The following NDRG2 variants were observed in gnomAD, a reference collection of about 807,000 sequenced individuals.
NDRG2 encodes protein NDRG2.
In NDRG2, 34 loss-of-function variants were observed where a neutral mutation model predicts 58.2. The observed-to-expected ratio is 0.58, with a 90% CI of 0.44 to 0.78. The LOEUF is 0.78. Among genes scored for constraint, NDRG2 ranks in the 30% least tolerant of loss-of-function variants. NDRG2 has a pLI of 0.00. For missense variants in NDRG2, 434 were observed against 471.2 expected, an observed-to-expected ratio of 0.92 and a Z score of 0.73; for synonymous variants, 187 against 175.9, an observed-to-expected ratio of 1.06 and a Z score of -0.50.
At chr14:21,020,441 G>A in intron 8 of NDRG2, 55 bp downstream of exon 8, 1 of 1,431,970 alleles carries the variant, frequency 7.0e-7, no homozygotes, top group Non-Finnish European at 9.8e-7. Context: ...AGCCTAACTG[G>A]ATCCATACGA....
chr14:21,053,911 T>C (rs1885571844), intron 1 of NDRG2, among the ~76,000 whole-genome samples: 1 of 152,188 alleles, frequency 6.6e-6, no homozygotes, highest in Non-Finnish European at 1.5e-5. Flanking sequence ...CCATGTAAGC[T>C]AGTGAAGAGC....
intron 1 of NDRG2, chr14:21,032,006 G>A (rs976374210): frequency 6.2e-7 from 1 of 1,614,068 alleles, no homozygotes; most frequent in African/African-American, 1.3e-5. Flanking sequence ...GGGACGGGAA[G>A]AGATGACTGA....
intron 1 of NDRG2, chr14:21,033,159 G>A (rs1052128374): frequency 2.7e-6 from 1 of 373,420 alleles, no homozygotes; most frequent in African/African-American, 2.1e-5. Flanking sequence ...AGGAAGGCAG[G>A]GTGACTACGG....
rs117508355 is a variant in NDRG2 at position 21,039,626 on chromosome 14, G to T, written c.25-16305C>A. ...AAGGTGAAGCAGATCTTGGAAGCTGGATAATTTGGGCACACAAACAAAATC... is the reference window on the plus strand; with the variant it reads ...AAGGTGAAGCAGATCTTGGAAGCTGTATAATTTGGGCACACAAACAAAATC... On this transcript the variant is annotated intron_variant, in intron 1 of 14. Coordinates refer to the NDRG2 transcript ENST00000403829. 8.5e-3 allele frequency among the ~76,000 whole-genome samples: 1,289 copies of T among 152,296 alleles called. 6 individuals carry two copies. Among genetic ancestry groups the T allele is most frequent in the Middle Eastern group, 0.031 (9 of 294 alleles).
upstream of NDRG2, chr14:21,030,755 G>A: frequency 1.2e-6 from 2 of 1,613,540 alleles, no homozygotes; most frequent in South Asian, 1.1e-5. Flanking sequence ...GCAAAGTCAA[G>A]TGAGGAGCCA....
At chr14:21,029,895 A>G (rs1466276336), upstream of NDRG2, among the ~76,000 whole-genome samples, 1 of 152,212 alleles carries the variant, frequency 6.6e-6, no homozygotes, top group East Asian at 1.9e-4. Context: ...TCTGTTGTTT[A>G]TAAGCCACCC....
intron 1 of NDRG2, chr14:21,030,853 A>C (rs1290521643): frequency 6.6e-6 from 10 of 1,520,104 alleles, no homozygotes; most frequent in Non-Finnish European, 8.9e-6. Context: ...TGGGCCTACC[A>C]AGCACCACAG....
chr14:21,043,122 A>G lies in NDRG2; in HGVS notation c.25-19801T>C, dbSNP rs149636039. Reference sequence around the variant, plus strand: ...ATCACAGTGGTTTAAAATTCAGCACATGCAGCCCAGCCCTCAAGCATGCAA... The same window carrying G: ...ATCACAGTGGTTTAAAATTCAGCACGTGCAGCCCAGCCCTCAAGCATGCAA... On this transcript the variant is annotated intron_variant, in intron 1 of 14. Transcript: ENST00000403829. The G allele has an allele frequency of 7.9e-4, 1,273 of 1,614,200 alleles. 7 individuals are homozygous for G. The African/African-American group carries it at 0.012, about 15-fold the overall frequency.
chr14:21,043,927 A>T (rs1209219998), intron 1 of NDRG2: 1 of 174,924 alleles, frequency 5.7e-6, no homozygotes. Context: ...AGAATCCTCT[A>T]ATCCCTTGTG....
At chr14:21,058,231 G>A in intron 1 of NDRG2, 1 of 1,614,098 alleles carries the variant, frequency 6.2e-7, no homozygotes, top group Non-Finnish European at 8.5e-7. Flanking sequence ...TCACCTCAGG[G>A]AAGTACCCAA....
At chr14:21,034,361 G>A in intron 1 of NDRG2, 1 of 1,086,542 alleles carries the variant, frequency 9.2e-7, no homozygotes, top group African/African-American at 1.6e-5. Context: ...ACATCCCAGA[G>A]CCTCCAGCAT....
At chr14:21,027,562 A>G (rs1044555736), upstream of NDRG2, among the ~76,000 whole-genome samples, 8 of 152,168 alleles carry the variant, frequency 5.3e-5, no homozygotes, top group Non-Finnish European at 1.2e-4. Flanking sequence ...ACCCCACATA[A>G]TAGGTATAGT....
intron 1 of NDRG2, among the ~76,000 whole-genome samples, chr14:21,053,639 A>G (rs1885560567): frequency 6.6e-6 from 1 of 151,996 alleles, no homozygotes; most frequent in Non-Finnish European, 1.5e-5. Flanking sequence ...AAAAAAAAAG[A>G]AAAGAAAAAG....
At chr14:21,018,098 C>G (rs1328591959) in intron 14 of NDRG2, 60 bp from the exon 15 acceptor site, 2 of 1,604,012 alleles carry the variant, frequency 1.2e-6, no homozygotes, top group Admixed American at 1.7e-5. Context: ...AGAGCTGGAG[C>G]CTGAGGCTGC....
At position 21,024,770 on chromosome 14, in the gene NDRG2, A is replaced by G; in HGVS notation, c.-747T>C. 1 of 985,536 alleles carries G rather than the reference A, an allele frequency of 1.0e-6. No individual in the cohort carries two copies. The highest frequency in any genetic ancestry group is 1.2e-6 in the Non-Finnish European group (1 of 830,028). 61.0% of individuals were successfully genotyped at this position (985,536 alleles called of 1,614,324 possible). A position where few individuals can be genotyped will look rare whatever the true frequency, so the allele number is the denominator to read the frequency against. On this transcript the variant is annotated 5_prime_UTR_variant, in exon 1 of 16. Transcript: ENST00000556147. Reference sequence around the variant, plus strand: ...AACCCGTCCCTACGAGTCCCTACGCAGCCCGTCCGCGTGGAGACTGACACC... The same window carrying G: ...AACCCGTCCCTACGAGTCCCTACGCGGCCCGTCCGCGTGGAGACTGACACC...
chr14:21,031,912 A>C, intron 1 of NDRG2: 1 of 1,614,168 alleles, frequency 6.2e-7, no homozygotes, highest in Non-Finnish European at 8.5e-7. Context: ...CAGTGGGTGC[A>C]GTGGACCGTT....
intron 4 of NDRG2, 90 bp downstream of exon 4, chr14:21,022,302 C>G (rs1363762428): frequency 6.3e-7 from 1 of 1,576,604 alleles, no homozygotes; most frequent in Non-Finnish European, 8.7e-7. Context: ...CCTTCCCACA[C>G]TGACCCCTCC....
intron 1 of NDRG2, among the ~76,000 whole-genome samples, chr14:21,053,932 G>T (rs1459915961): frequency 6.6e-6 from 1 of 152,216 alleles, no homozygotes; most frequent in Non-Finnish European, 1.5e-5. Context: ...CTTGCCCAAG[G>T]TCATGCAGCT....
At chr14:21,061,825 G>C (rs150342690) in intron 1 of NDRG2, among the ~76,000 whole-genome samples, 2 of 152,218 alleles carry the variant, frequency 1.3e-5, no homozygotes, top group East Asian at 3.9e-4. Context: ...TTTAAAATTA[G>C]TTTTGGATCA....
Sources: allele counts gnomAD v4.1 joint callset (sites outside exome capture counted in the v4.1 genomes callset), GRCh38; gene constraint gnomAD v4.1.1; transcripts MANE v1.5; gene names NCBI Gene and HGNC (gene_info 2026-07-23, HGNC 2026-07-21).